LYPD1: variants seen among roughly 807,000 people sequenced by gnomAD.
The protein encoded by LYPD1 is LY6/PLAUR domain containing 1, also known as ly6/PLAUR domain-containing protein 1.
Under a neutral mutation model 14.2 loss-of-function variants are expected in LYPD1, and 14 were observed. The ratio of observed to expected loss-of-function variants is 0.99; its 90% CI spans 0.65 to 1.54. The LOEUF is 1.54. LYPD1 is among the 40% of genes most tolerant of loss of function. LYPD1 has a pLI of 0.00. For missense variants in LYPD1, 165 were observed against 175.7 expected (o/e 0.94, Z 0.34); for synonymous variants, 85 against 70.6 (o/e 1.20, Z -1.02).
intron 2 of LYPD1, chr2:132,663,239 A>G (rs960477834): frequency 6.6e-6 from 1 of 152,182 alleles, no homozygotes; most frequent in African/African-American, 2.4e-5. Context: ...ATGAAGATAT[A>G]TTTTTTGATA....
In LYPD1 at chr2:132,669,803, G is replaced by A. The variant is rs768638617; in HGVS notation, c.52+78C>T. On this transcript the variant is annotated intron_variant, in intron 1 of 2. Transcript: ENST00000397463. This position sits in a 1 kb window ranked among gnomAD's most constrained non-coding sequence, Gnocchi z 4.3. ...GCGCAGGGCTGGCCCCGAGGTGGGC[G>A]CCTTGGGGGCAAAAGGGCTGGCGGG... 1.9e-6 allele frequency: 3 copies of A among 1,577,776 alleles called. No individual in the cohort carries two copies. The highest frequency in any genetic ancestry group is 4.8e-5 in the East Asian group (2 of 41,772).
intron 2 of LYPD1, among the ~76,000 whole-genome samples, chr2:132,646,917 A>G (rs1381745946): frequency 6.6e-6 from 1 of 152,196 alleles, no homozygotes; most frequent in Non-Finnish European, 1.5e-5. Context: ...CCAAGCCAGT[A>G]CCACGCAGCT....
intron 2 of LYPD1, among the ~76,000 whole-genome samples, chr2:132,650,217 ACTCT>A (rs373101709): frequency 1.3e-5 from 2 of 152,152 alleles, no homozygotes; most frequent in African/African-American, 2.4e-5. Flanking sequence ...ATGAAAAGAT[ACTCT>A]CTCATATCAT....
intron 2 of LYPD1, among the ~76,000 whole-genome samples, chr2:132,655,817 A>T (rs752482175): frequency 6.6e-6 from 1 of 152,104 alleles, no homozygotes; most frequent in Non-Finnish European, 1.5e-5. Context: ...CCTGGCCAAG[A>T]AGCATTTTCT....
chr2:132,647,199 A>ATGAT (rs1014734755), intron 2 of LYPD1, among the ~76,000 whole-genome samples: 8 of 152,200 alleles, frequency 5.3e-5, no homozygotes, highest in Non-Finnish European at 8.8e-5. Context: ...GGAGGCCCTC[A>ATGAT]TGATTACCCC....
chr2:132,643,582 T>A lies in LYPD1; in HGVS notation c.*2463A>T, dbSNP rs532391255. On this transcript the variant is annotated 3_prime_UTR_variant, in exon 3 of 3. Transcript: ENST00000397463. ...AGGCTGGAGTGCAGTGGCACATTCGTGTCTCACTGTAGCCTTCACCTCCTG... is the reference window on the plus strand; with the variant it reads ...AGGCTGGAGTGCAGTGGCACATTCGAGTCTCACTGTAGCCTTCACCTCCTG... Among the ~76,000 whole-genome samples the A allele has an allele frequency of 5.6e-4, 85 of 152,356 alleles. No individual in the cohort carries two copies. The highest frequency in any genetic ancestry group is 2.0e-3 in the African/African-American group (82 of 41,582).
chr2:132,662,424 T>C (rs866277266), intron 2 of LYPD1, among the ~76,000 whole-genome samples: 1 of 152,162 alleles, frequency 6.6e-6, no homozygotes, highest in South Asian at 2.1e-4. Flanking sequence ...ACCTAGAACA[T>C]AGGGGTTCTC....
intron 2 of LYPD1, among the ~76,000 whole-genome samples, chr2:132,647,124 T>G: frequency 6.6e-6 from 1 of 152,144 alleles, no homozygotes; most frequent in East Asian, 1.9e-4. Context: ...CCTGTCTGTC[T>G]CCCAGGCACT....
chr2:132,661,939 C>CG (rs1553464779), intron 2 of LYPD1, among the ~76,000 whole-genome samples: 9 of 86,140 alleles, frequency 1.0e-4, no homozygotes, highest in Non-Finnish European at 1.8e-4. Context: ...GGCACCACAG[C>CG]GGAAAAAAAA....
chr2:132,658,858 G>C (rs1408755953), intron 2 of LYPD1, among the ~76,000 whole-genome samples: 2 of 152,156 alleles, frequency 1.3e-5, no homozygotes, highest in African/African-American at 4.8e-5. Flanking sequence ...GATGACCAAG[G>C]CTGAATTCCA....
chr2:132,646,389 C>G (rs1408009071), intron 2 of LYPD1, 109 bp from the exon 3 acceptor site: 1 of 643,420 alleles, frequency 1.6e-6, no homozygotes, highest in Non-Finnish European at 2.4e-6. Context: ...TCCCACAGCC[C>G]AGAGACTAGG....
chr2:132,648,439 A>G (rs1231219424), intron 2 of LYPD1, among the ~76,000 whole-genome samples: 2 of 152,188 alleles, frequency 1.3e-5, no homozygotes, highest in Admixed American at 6.5e-5. Context: ...GTACATTTAC[A>G]TATATGCCCA....
At position 132,650,266 on chromosome 2, in the gene LYPD1, CATT is replaced by C. The variant is rs376006878; in HGVS notation, c.191-3989_191-3987del. Among the ~76,000 whole-genome samples, 84 of 152,272 alleles carry C rather than the reference CATT, an allele frequency of 5.5e-4. No homozygotes were observed. In the East Asian group the frequency reaches 0.013, roughly 24 times the overall value. ...GCAAATTAAAACTACACTGAGATGCCATTATTATTTATCACTTGGGCAGAGATT... is the reference window on the plus strand; with the variant it reads ...GCAAATTAAAACTACACTGAGATGCCATTATTTATCACTTGGGCAGAGATT... On this transcript the variant is annotated intron_variant, in intron 2 of 2. Transcript: ENST00000397463.
intron 2 of LYPD1, among the ~76,000 whole-genome samples, chr2:132,648,216 T>C (rs191827771): frequency 6.6e-6 from 1 of 152,268 alleles, no homozygotes; most frequent in African/African-American, 2.4e-5. Context: ...TGGCATTTAT[T>C]TGCCACTTCC....
Position 132,646,745 on chromosome 2 carries a change from C to CTT in LYPD1, c.191-467_191-466dup, listed in dbSNP as rs546973197. 4.5e-3 allele frequency among the ~76,000 whole-genome samples: 688 copies of CTT among 152,172 alleles called. 1 individual carries two copies. Among genetic ancestry groups the CTT allele is most frequent in the Admixed American group, 9.7e-3 (149 of 15,298 alleles). ...TATGTGTTGATGAAATCCTGGAGTT[C>CTT]TTTGAAGACAGACCAAATCCCGAAG... On this transcript the variant is annotated intron_variant, in intron 2 of 2. Transcript: ENST00000397463.
rs1020579194 is a variant in LYPD1 at position 132,645,601 on chromosome 2, G to A, written c.*444C>T. ...AGAGAATGGTTTTCAGGAGCATGAA[G>A]TTTGAATGTCAAGCGAGGGAGCCTT... On this transcript the variant is annotated 3_prime_UTR_variant, in exon 3 of 3. Transcript: ENST00000397463. The A allele has an allele frequency of 6.2e-7, 1 of 1,609,772 alleles. No individual in the cohort carries two copies. The highest frequency in any genetic ancestry group is 8.5e-7 in the Non-Finnish European group (1 of 1,177,906).
chr2:132,658,812 A>G (rs1682753804), intron 2 of LYPD1, among the ~76,000 whole-genome samples: 1 of 152,198 alleles, frequency 6.6e-6, no homozygotes, highest in African/African-American at 2.4e-5. Context: ...GCATAAAACC[A>G]TGTGGGGGGA....
At position 132,659,977 on chromosome 2, in the gene LYPD1, C is replaced by G. The variant is rs185963561; in HGVS notation, c.190+8423G>C. Among the ~76,000 whole-genome samples the G allele has an allele frequency of 1.7e-3, 262 of 152,348 alleles. 3 individuals carry two copies. The highest frequency in any genetic ancestry group is 0.016 in the Admixed American group (251 of 15,300). On this transcript the variant is annotated intron_variant, in intron 2 of 2. Transcript: ENST00000397463. ...CTTCTGCTGATGCTCTTTGAAGATGCCTCCGTGGAGGGCATTGCAAACTGC... is the reference window on the plus strand; with the variant it reads ...CTTCTGCTGATGCTCTTTGAAGATGGCTCCGTGGAGGGCATTGCAAACTGC...
rs1445090452 is a variant in LYPD1, at chr2:132,645,484, C to T, written c.*561G>A. ...TGAGAAGATTTTCTTAAGCACTTTT[C>T]AGAGCGAGGCCGAGCCCCAGTCTAA... On this transcript the variant is annotated 3_prime_UTR_variant, in exon 3 of 3. Transcript: ENST00000397463. 6 of 1,613,872 alleles carry T rather than the reference C, an allele frequency of 3.7e-6. No homozygotes were observed. The African/African-American group carries it at 4.0e-5, about 11-fold the overall frequency.
Sources: allele counts gnomAD v4.1 joint callset (sites outside exome capture counted in the v4.1 genomes callset), GRCh38; gene constraint gnomAD v4.1.1; non-coding constraint Gnocchi (gnomAD v3.1); transcripts MANE v1.5; gene names NCBI Gene and HGNC (gene_info 2026-07-23, HGNC 2026-07-21).